TMEM221: variants seen among roughly 807,000 people sequenced by gnomAD.
The protein encoded by TMEM221 is transmembrane protein 221.
Under a neutral mutation model 10.2 loss-of-function variants are expected in TMEM221, and 11 were observed. The ratio of observed to expected loss-of-function variants is 1.08; its 90% CI spans 0.68 to 1.79. TMEM221 has a LOEUF of 1.79. Ranked by LOEUF, TMEM221 falls within the 40% of genes most tolerant of loss-of-function variation. The pLI is 0.00. For missense variants in TMEM221, 382 were observed against 417.7 expected (o/e 0.91, Z 0.75); for synonymous variants, 172 against 199.8 (o/e 0.86, Z 1.18).
chr19:17,448,631 G>A lies in TMEM221; in HGVS notation c.-169C>T, dbSNP rs1348433364. ...GCTGGGGGTCGCCAGACGGACGGGG[G>A]CTCCGGGGTGCTGGTCGCAGCCGGG... On this transcript the variant is annotated 5_prime_UTR_variant, in exon 1 of 3. Transcript: ENST00000341130. The surrounding 1 kb of genome is among the most constrained non-coding windows in gnomAD (Gnocchi z 4.7). 7.4e-6 allele frequency: 3 copies of A among 403,838 alleles called. No individual in the cohort carries two copies. Among genetic ancestry groups the A allele is most frequent in the Admixed American group, 4.6e-5 (1 of 21,568 alleles). The allele number at this position is 403,838 out of a possible 1,614,324, so 25.0% of individuals were successfully genotyped here. A position where few individuals can be genotyped will look rare whatever the true frequency, so the allele number is the denominator to read the frequency against.
chr19:17,444,327 C>A (rs904296078), intron 2 of TMEM221, among the ~76,000 whole-genome samples: 1 of 151,752 alleles, frequency 6.6e-6, no homozygotes, highest in Non-Finnish European at 1.5e-5. Flanking sequence ...AGGTGATCCA[C>A]CAGCCTCGGC....
chr19:17,437,926 T>C (rs1233491262), intron 2 of TMEM221, among the ~76,000 whole-genome samples: 1 of 148,672 alleles, frequency 6.7e-6, no homozygotes, highest in Non-Finnish European at 1.5e-5. Flanking sequence ...TGTTCTTCTT[T>C]TTTTTTTTTT....
intron 1 of TMEM221, among the ~76,000 whole-genome samples, chr19:17,447,910 C>T (rs567609262): frequency 3.3e-5 from 5 of 152,090 alleles, no homozygotes; most frequent in African/African-American, 1.2e-4. Context: ...CTGCAAAATG[C>T]GAGACACAGC....
chr19:17,443,979 CTTT>C (rs143259849), intron 2 of TMEM221, among the ~76,000 whole-genome samples: 26 of 136,580 alleles, frequency 1.9e-4, no homozygotes, highest in African/African-American at 2.5e-4. Context: ...CTGGGGTATC[CTTT>C]TTTTTTTTTT....
chr19:17,439,838 A>T (rs1048346830), intron 2 of TMEM221, among the ~76,000 whole-genome samples: 2 of 152,144 alleles, frequency 1.3e-5, no homozygotes, highest in Non-Finnish European at 2.9e-5. Context: ...GGAACCAGAT[A>T]GTAGCGATCG....
chr19:17,446,196 C>G (rs1192411702), intron 1 of TMEM221, among the ~76,000 whole-genome samples: 1 of 136,740 alleles, frequency 7.3e-6, no homozygotes, highest in Non-Finnish European at 1.7e-5. Flanking sequence ...ATCCATCCAT[C>G]CATCCATCTA....
chr19:17,448,362 A>C lies in TMEM221; in HGVS notation c.101T>G (p.Leu34Arg). The C allele has an allele frequency of 2.2e-6, 3 of 1,390,544 alleles. No homozygotes were observed. The highest frequency in any genetic ancestry group is 1.9e-6 in the Non-Finnish European group (2 of 1,073,700). 86.1% of individuals were successfully genotyped at this position (1,390,544 alleles called of 1,614,324 possible). ...AALGAQLLFQ[L>R]QAGRAELRGL... ...CCGCAGCTCGGCGCGGCCCGCCTGC[A>C]GCTGAAACAGCAGCTGCGCGCCCAG... Residue 34 changes from leucine to arginine, a missense_variant, in exon 1 of 3, where the codon CTG becomes CGG. Transcript: ENST00000341130. This position sits in a 1 kb window ranked among gnomAD's most constrained non-coding sequence, Gnocchi z 4.7.
In TMEM221 at chr19:17,448,644, G is replaced by T. The variant is rs2074963199; in HGVS notation, c.-182C>A. The T allele has an allele frequency of 2.6e-6, 1 of 390,908 alleles. No individual in the cohort carries two copies. The allele number at this position is 390,908 out of a possible 1,614,324, so 24.2% of individuals were successfully genotyped here. ...AGACGGACGGGGGCTCCGGGGTGCT[G>T]GTCGCAGCCGGGACGCCGAATCTCC... On this transcript the variant is annotated 5_prime_UTR_variant, in exon 1 of 3. Transcript: ENST00000341130. This position sits in a 1 kb window ranked among gnomAD's most constrained non-coding sequence, Gnocchi z 4.7.
chr19:17,438,575 A>G (rs944270683), intron 2 of TMEM221, among the ~76,000 whole-genome samples: 2 of 148,962 alleles, frequency 1.3e-5, no homozygotes, highest in Admixed American at 6.7e-5. Context: ...CTGGGGAGGA[A>G]CAGGACCTAC....
At chr19:17,442,883 C>T (rs1372979421) in intron 2 of TMEM221, among the ~76,000 whole-genome samples, 1 of 152,074 alleles carries the variant, frequency 6.6e-6, no homozygotes, top group Non-Finnish European at 1.5e-5. Context: ...TTCATTAAGT[C>T]AAACAACAAA....
In TMEM221 at chr19:17,440,451, T is replaced by A. The variant is rs532245491; in HGVS notation, c.407-3524A>T. On this transcript the variant is annotated intron_variant, in intron 2 of 2. Transcript: ENST00000341130. ...CTTGTTAGCCAGGATGGTCTCGATC[T>A]CCTGACCTCGTGATCTGCCCGCCTC... is the stretch of plus-strand genomic sequence containing the variant. Among the ~76,000 whole-genome samples, 179 of 152,206 alleles carry A rather than the reference T, an allele frequency of 1.2e-3. 1 individual carries two copies. The East Asian group carries it at 0.032, about 28-fold the overall frequency.
chr19:17,448,563 A>T lies in TMEM221; in HGVS notation c.-101T>A. The T allele has an allele frequency of 6.0e-4, 387 of 648,444 alleles. No homozygotes were observed. Among genetic ancestry groups the T allele is most frequent in the East Asian group, 2.2e-3 (24 of 10,732 alleles). 40.2% of individuals were successfully genotyped at this position (648,444 alleles called of 1,614,324 possible). ...TCCGAGGGTCCTCAGGGGGTCCCCG[A>T]GGGGGCGGGGCCGCAGGGAGTGTCT... On this transcript the variant is annotated 5_prime_UTR_variant, in exon 1 of 3. Coordinates refer to ENST00000341130, the MANE Select transcript of TMEM221 (RefSeq NM_001190844.2). This position sits in a 1 kb window ranked among gnomAD's most constrained non-coding sequence, Gnocchi z 4.7.
At position 17,445,238 on chromosome 19, in the gene TMEM221, G is replaced by A. The variant is rs2074948211; in HGVS notation, c.367C>T (p.Leu123Phe). 6.5e-7 allele frequency: 1 copy of A among 1,535,886 alleles called. No individual in the cohort carries two copies. ...YDCRLLRHVA[L>F]GLFCCGISVY... The stretch of plus-strand genomic sequence containing the variant: ...GAGATCCCACAGCAGAAAAGGCCAA[G>A]GGCCACATGTCTGAGGAGGCGGCAG... Residue 123 changes from leucine (L) to phenylalanine (F), a missense_variant, in exon 2 of 3, where the codon CTT becomes TTT. Coordinates refer to ENST00000341130, the MANE Select transcript of TMEM221 (RefSeq NM_001190844.2).
At chr19:17,439,830 A>G (rs2074924516) in intron 2 of TMEM221, among the ~76,000 whole-genome samples, 1 of 152,078 alleles carries the variant, frequency 6.6e-6, no homozygotes, top group South Asian at 2.1e-4. Flanking sequence ...AATATTCTGG[A>G]ACCAGATAGT....
chr19:17,438,751 C>G (rs1168559896), intron 2 of TMEM221, among the ~76,000 whole-genome samples: 2 of 151,724 alleles, frequency 1.3e-5, no homozygotes, highest in Non-Finnish European at 2.9e-5. Context: ...GCATGCACCA[C>G]CATGCCTGGC....
At chr19:17,445,173 G>A (rs1462274337) in intron 2 of TMEM221, 26 bp downstream of exon 2, 1 of 1,527,566 alleles carries the variant, frequency 6.5e-7, no homozygotes, top group Non-Finnish European at 8.8e-7. Context: ...AGGGTCCCAT[G>A]CCCCACGTTC....
chr19:17,447,049 C>T (rs1437237608), intron 1 of TMEM221, among the ~76,000 whole-genome samples: 1 of 151,856 alleles, frequency 6.6e-6, no homozygotes, highest in African/African-American at 2.4e-5. Flanking sequence ...TGGTGAAACC[C>T]CGCCTCTACT....
In TMEM221 at chr19:17,436,883, C is replaced by T. The variant is rs140403826; in HGVS notation, c.451G>A (p.Ala151Thr). 1,021 of 1,437,644 alleles carry T rather than the reference C, an allele frequency of 7.1e-4. 4 individuals carry two copies. Among genetic ancestry groups the T allele is most frequent in the African/African-American group, 5.0e-3 (350 of 70,190 alleles). 89.1% of individuals were successfully genotyped at this position (1,437,644 alleles called of 1,614,324 possible). A position where few individuals can be genotyped will look rare whatever the true frequency, so the allele number is the denominator to read the frequency against. Residue 151 changes from alanine (A) to threonine (T), a missense_variant, in exon 3 of 3, where the codon GCA becomes ACA. By Grantham distance (58) the Ala-to-Thr change is moderately conservative. Coordinates refer to ENST00000341130, the MANE Select transcript of TMEM221 (RefSeq NM_001190844.2). ...ALLLFEIETG[A>T]AAASILGSGT... is the part of the protein sequence containing the mutation. ...GAGCCGAGGATGGAAGCAGCTGCTG[C>T]GCCTGTCTCGATCTCGAAAAGTAGC...
chr19:17,445,870 CCATCCATCGGCCCCACCCATT>C (rs1221385202), intron 1 of TMEM221, among the ~76,000 whole-genome samples: 2 of 151,994 alleles, frequency 1.3e-5, no homozygotes, highest in Non-Finnish European at 2.9e-5. Context: ...ATCCACTTAT[CCATCCATCGGCCCCACCCATT>C]CATCCATCCA....
Sources: allele counts gnomAD v4.1 joint callset (sites outside exome capture counted in the v4.1 genomes callset), GRCh38; gene constraint gnomAD v4.1.1; non-coding constraint Gnocchi (gnomAD v3.1); transcripts MANE v1.5; gene names NCBI Gene and HGNC (gene_info 2026-07-23, HGNC 2026-07-21).